DLGAP2: variants seen among roughly 807,000 people sequenced by gnomAD.
DLGAP2 encodes the protein disks large-associated protein 2.
DLGAP2 carries 26 observed loss-of-function variants against 100.3 expected under a neutral mutation model. The observed-to-expected ratio is 0.26, with a 90% CI of 0.19 to 0.36. The LOEUF is 0.36. DLGAP2 is among the 10% of genes least tolerant of loss of function. The pLI is 1.00. For missense variants in DLGAP2, 1,858 were observed against 1,453.2 expected, an observed-to-expected ratio of 1.28 and a Z score of -4.53; for synonymous variants, 886 against 630.1, an observed-to-expected ratio of 1.41 and a Z score of -6.08.
chr8:1,601,723 C>T (rs2130704277), intron 6 of DLGAP2, among the ~76,000 whole-genome samples: 1 of 152,322 alleles, frequency 6.6e-6, no homozygotes, highest in Admixed American at 6.5e-5. Flanking sequence ...TCTGCTCGTT[C>T]ACCACTCTGG....
intron 1 of DLGAP2, among the ~76,000 whole-genome samples, chr8:785,579 C>T (rs1473463351): frequency 7.6e-6 from 1 of 130,896 alleles, no homozygotes; most frequent in African/African-American, 3.0e-5. Flanking sequence ...TCCCCTCAGG[C>T]CCCTCTGAGA....
At chr8:911,338 TGTA>T (rs1455520949) in intron 2 of DLGAP2, among the ~76,000 whole-genome samples, 1 of 150,936 alleles carries the variant, frequency 6.6e-6, no homozygotes, top group Non-Finnish European at 1.5e-5. Context: ...GAAGGACGCA[TGTA>T]TAACGTACAT....
chr8:994,805 A>C (rs1411711151), intron 2 of DLGAP2, among the ~76,000 whole-genome samples: 4 of 152,156 alleles, frequency 2.6e-5, no homozygotes, highest in African/African-American at 9.7e-5. Context: ...GTGTGATTCA[A>C]GTTCCATATC....
intron 2 of DLGAP2, among the ~76,000 whole-genome samples, chr8:911,584 A>G (rs1798485929): frequency 6.6e-6 from 1 of 151,782 alleles, no homozygotes; most frequent in Non-Finnish European, 1.5e-5. Flanking sequence ...ATGTGTGTAT[A>G]ATGTATGTTG....
chr8:1,044,816 G>T (rs915741406), intron 2 of DLGAP2, among the ~76,000 whole-genome samples: 2 of 152,100 alleles, frequency 1.3e-5, no homozygotes, highest in African/African-American at 4.8e-5. Flanking sequence ...GTCACCTCTC[G>T]ACCTGCAGAA....
In DLGAP2 at chr8:1,678,105, C is replaced by T. The variant is rs959578145; in HGVS notation, c.2289-109C>T. ...AACAAAACACTACCTGCCCTTGAGC[C>T]GCCAGGCTGTTGAGCTCAGGTGCGC... On this transcript the variant is annotated intron_variant, in intron 11 of 14. Transcript: ENST00000637795. 1.5e-4 allele frequency: 188 copies of T among 1,287,394 alleles called. 1 individual carries two copies. Among genetic ancestry groups the T allele is most frequent in the Non-Finnish European group, 1.8e-4 (173 of 941,344 alleles). The allele number at this position is 1,287,394 out of a possible 1,614,324, so 79.7% of individuals were successfully genotyped here.
intron 4 of DLGAP2, among the ~76,000 whole-genome samples, chr8:1,517,464 A>G (rs1800434058): frequency 1.3e-5 from 2 of 152,096 alleles, no homozygotes; most frequent in South Asian, 4.2e-4. Flanking sequence ...CCCCTGCTCC[A>G]CTGAGAGCCT....
chr8:1,043,293 T>C (rs1355000748), intron 2 of DLGAP2, among the ~76,000 whole-genome samples: 3 of 91,864 alleles, frequency 3.3e-5, no homozygotes, highest in African/African-American at 4.2e-5. Context: ...GGGTGGTGGG[T>C]GTGGGTGGTG....
chr8:1,584,374 C>A (rs115817310), intron 6 of DLGAP2, among the ~76,000 whole-genome samples: 5 of 152,204 alleles, frequency 3.3e-5, no homozygotes, highest in South Asian at 2.1e-4. Context: ...CGGGAGCAGA[C>A]GCCAGACTCC....
At chr8:1,098,823 G>T (rs1319074168) in intron 2 of DLGAP2, among the ~76,000 whole-genome samples, 1 of 150,042 alleles carries the variant, frequency 6.7e-6, no homozygotes, top group Non-Finnish European at 1.5e-5. Flanking sequence ...CCAGGCTCCC[G>T]GCCGCGCACG....
At chr8:1,059,702 G>A (rs770442068) in intron 2 of DLGAP2, among the ~76,000 whole-genome samples, 7 of 152,232 alleles carry the variant, frequency 4.6e-5, no homozygotes, top group East Asian at 3.9e-4. Context: ...GGACCAAGGC[G>A]CCCTCTTTGC....
intron 11 of DLGAP2, 69 bp downstream of exon 11, chr8:1,676,687 C>G (rs922032049): frequency 1.0e-5 from 15 of 1,461,114 alleles, no homozygotes; most frequent in Non-Finnish European, 1.3e-5. Flanking sequence ...CTGATGGAAG[C>G]TCCTAGATCC....
At chr8:1,129,777 C>T (rs1332733721) in intron 2 of DLGAP2, among the ~76,000 whole-genome samples, 1 of 152,184 alleles carries the variant, frequency 6.6e-6, no homozygotes, top group African/African-American at 2.4e-5. Context: ...AAGAATCAGT[C>T]CTTGTGGCAG....
chr8:745,937 C>T (rs1380732610), intron 1 of DLGAP2, among the ~76,000 whole-genome samples: 2 of 152,362 alleles, frequency 1.3e-5, no homozygotes, highest in Middle Eastern at 3.4e-3. Flanking sequence ...CTCCATCTCA[C>T]TCAGCGCCAG....
intron 2 of DLGAP2, among the ~76,000 whole-genome samples, chr8:1,242,786 G>A (rs11136368): frequency 2.0e-5 from 3 of 151,950 alleles, no homozygotes; most frequent in South Asian, 4.1e-4. Flanking sequence ...ATGGATAGAC[G>A]GACAGATAGA....
chr8:1,550,521 C>T (rs568608814), intron 5 of DLGAP2, among the ~76,000 whole-genome samples: 122 of 152,170 alleles, frequency 8.0e-4, no homozygotes, highest in African/African-American at 2.8e-3. Flanking sequence ...GCTGATGGAC[C>T]GGCCTAATGG....
chr8:1,163,486 A>G (rs988190870), intron 2 of DLGAP2, among the ~76,000 whole-genome samples: 2 of 152,204 alleles, frequency 1.3e-5, no homozygotes, highest in Admixed American at 6.5e-5. Flanking sequence ...GCCAGTGACA[A>G]TTATTTATTC....
rs922012958 is a variant in DLGAP2, at chr8:1,060,621, C to A, written c.73+152655C>A. ...CTTAATTAATCACATCCGTAAAGAC[C>A]TCATTCCCGAGTAAGATCACATTCT... On this transcript the variant is annotated intron_variant, in intron 2 of 14. Coordinates refer to ENST00000637795, the MANE Select transcript of DLGAP2 (RefSeq NM_001346810.2). Among the ~76,000 whole-genome samples, 11 of 152,308 alleles carry A rather than the reference C, an allele frequency of 7.2e-5. No homozygotes were observed. The South Asian group carries it at 1.0e-3, about 14-fold the overall frequency.
intron 2 of DLGAP2, among the ~76,000 whole-genome samples, chr8:917,372 G>T (rs1045189866): frequency 6.6e-6 from 1 of 151,938 alleles, no homozygotes; most frequent in Non-Finnish European, 1.5e-5. Flanking sequence ...TCAAGTAGCT[G>T]AGACTACAGG....
Sources: gnomAD v4.1 joint callset for allele counts (sites outside exome capture counted in the v4.1 genomes callset) on GRCh38, gnomAD v4.1.1 for gene constraint, MANE v1.5 for transcripts, NCBI Gene and HGNC (gene_info 2026-07-23, HGNC 2026-07-21) for gene names.